Variants in UGT1A3 observed in about 807,000 individuals in gnomAD.
UGT1A3 encodes UDP glucuronosyltransferase family 1 member A3.
A neutral mutation model predicts 41.0 loss-of-function variants in UGT1A3; 31 were observed. The ratio of observed to expected loss-of-function variants is 0.76; its 90% CI spans 0.57 to 1.02. The LOEUF is 1.02. UGT1A3 is among the 50% of genes least tolerant of loss of function. The pLI is 0.00. For missense variants in UGT1A3, 737 were observed against 671.0 expected (o/e 1.10, Z -1.09); for synonymous variants, 262 against 257.6 (o/e 1.02, Z -0.17).
At position 233,747,671 on chromosome 2, in the gene UGT1A3, A is replaced by C. The variant is rs1693745926; in HGVS notation, c.867+17678A>C. On this transcript the variant is annotated intron_variant, in intron 1 of 4. Coordinates refer to ENST00000482026, the MANE Select transcript of UGT1A3 (RefSeq NM_019093.4). ...CCTTCGATGTGGTTTTAATAGACCCAATTTACCTCTGTGGGGCAGTGCTGG... is the reference window on the plus strand; with the variant it reads ...CCTTCGATGTGGTTTTAATAGACCCCATTTACCTCTGTGGGGCAGTGCTGG... 13 of 1,604,740 alleles carry C rather than the reference A, an allele frequency of 8.1e-6. No homozygotes were observed. In the South Asian group the frequency reaches 1.4e-4, roughly 18 times the overall value.
At chr2:233,755,920 C>T (rs931187964) in intron 1 of UGT1A3, 4 of 147,692 alleles carry the variant, frequency 2.7e-5, no homozygotes, top group African/African-American at 1.0e-4. Flanking sequence ...AGAAGAGTGG[C>T]ATCGTTTTAC....
intron 1 of UGT1A3, chr2:233,747,208 G>A (rs1315527949): frequency 4.4e-6 from 7 of 1,605,016 alleles, no homozygotes; most frequent in Non-Finnish European, 5.1e-6. Flanking sequence ...CGTGTCTTCT[G>A]CTGAGATGGC....
Position 233,729,100 on chromosome 2 carries a change from A to G in UGT1A3, c.-27A>G, listed in dbSNP as rs2077792052. 6.2e-7 allele frequency: 1 copy of G among 1,612,718 alleles called. No individual in the cohort carries two copies. The highest frequency in any genetic ancestry group is 8.5e-7 in the Non-Finnish European group (1 of 1,179,930). The stretch of plus-strand genomic sequence containing the variant: ...GTAGCAGGCACAGCGTGGGGTGGAC[A>G]GTCAGCTGTCCGTGTCTTCTGCTGA... On this transcript the variant is annotated 5_prime_UTR_variant, in exon 1 of 5. Coordinates refer to ENST00000482026, the MANE Select transcript of UGT1A3 (RefSeq NM_019093.4).
In UGT1A3 at chr2:233,768,225, C is replaced by T; in HGVS notation, c.1093C>T (p.Pro365Ser). 6.2e-7 allele frequency: 1 copy of T among 1,614,112 alleles called. No homozygotes were observed. The highest frequency in any genetic ancestry group is 8.5e-7 in the Non-Finnish European group (1 of 1,180,032). Reference protein sequence around the residue: ...WLPQNDLLGHPMTRAFITHAG... With the variant: ...WLPQNDLLGHSMTRAFITHAG... Reference sequence around the variant, plus strand: ...CTCCCTATTTTGCATCTCAGGTCACCCGATGACCCGTGCCTTTATCACCCA... The same window carrying T: ...CTCCCTATTTTGCATCTCAGGTCACTCGATGACCCGTGCCTTTATCACCCA... Residue 365 changes from proline (P) to serine (S), a missense_variant, in exon 4 of 5, where the codon CCG becomes TCG. Pro to Ser is a moderately conservative substitution (Grantham distance 74). Transcript: ENST00000482026.
intron 1 of UGT1A3, chr2:233,744,028 CT>C: frequency 1.1e-6 from 1 of 877,624 alleles, no homozygotes; most frequent in African/African-American, 1.8e-5. Flanking sequence ...AGAGACGCCC[CT>C]TATGACGCAG....
In UGT1A3 at chr2:233,739,470, C is replaced by T. The variant is rs188701117; in HGVS notation, c.867+9477C>T. On this transcript the variant is annotated intron_variant, in intron 1 of 4. Transcript: ENST00000482026. ...CCACAGGGTTGGAGCTGCCTGAGAC[C>T]GTGGGAGCCCATTTCTGGCATCACC... 1.6e-3 allele frequency among the ~76,000 whole-genome samples: 240 copies of T among 152,268 alleles called. 1 individual carries two copies. The highest frequency in any genetic ancestry group is 4.9e-3 in the African/African-American group (205 of 41,548).
chr2:233,766,145 C>T (rs1400021152), intron 1 of UGT1A3, among the ~76,000 whole-genome samples: 1 of 152,164 alleles, frequency 6.6e-6, no homozygotes, highest in South Asian at 2.1e-4. Flanking sequence ...CGAATCCCAC[C>T]TGGGCTTGGA....
At chr2:233,747,669 C>T in intron 1 of UGT1A3, 1 of 1,603,504 alleles carries the variant, frequency 6.2e-7, no homozygotes, top group South Asian at 1.1e-5. Flanking sequence ...TTTAATAGAC[C>T]CAATTTACCT....
At chr2:233,758,675 G>A (rs1391896558) in intron 1 of UGT1A3, among the ~76,000 whole-genome samples, 10 of 152,156 alleles carry the variant, frequency 6.6e-5, no homozygotes, top group Admixed American at 6.5e-4. Flanking sequence ...CTGTTAATAT[G>A]TCCCATAGGA....
chr2:233,768,228 A>G lies in UGT1A3; in HGVS notation c.1096A>G (p.Met366Val), dbSNP rs367784507. 6.8e-6 allele frequency: 11 copies of G among 1,614,094 alleles called. No individual in the cohort carries two copies. Among genetic ancestry groups the G allele is most frequent in the Non-Finnish European group, 9.3e-6 (11 of 1,180,048 alleles). Residue 366 changes from methionine (M) to valine (V), a missense_variant, in exon 4 of 5, where the codon ATG becomes GTG. Physicochemically the swap from Met to Val is conservative, Grantham distance 21. Coordinates refer to ENST00000482026, the MANE Select transcript of UGT1A3 (RefSeq NM_019093.4). ...CCTATTTTGCATCTCAGGTCACCCG[A>G]TGACCCGTGCCTTTATCACCCATGC... ...LPQNDLLGHP[M>V]TRAFITHAGS...
At chr2:233,770,089 T>C (rs2126050834) in intron 4 of UGT1A3, 1 of 153,022 alleles carries the variant, frequency 6.5e-6, no homozygotes, top group South Asian at 2.1e-4. Context: ...TTCAGTGGTA[T>C]AGATAACTAC....
Position 233,768,224 on chromosome 2 carries a change from C to T in UGT1A3, c.1092C>T (p.His364=), listed in dbSNP as rs758090189. The change falls in exon 4 of 5, where the codon CAC becomes CAT. Residue 364 remains histidine (H), a synonymous_variant. Coordinates refer to ENST00000482026, the MANE Select transcript of UGT1A3 (RefSeq NM_019093.4). ...CCTCCCTATTTTGCATCTCAGGTCA[C>T]CCGATGACCCGTGCCTTTATCACCC... ...KWLPQNDLLG[H]PMTRAFITHA... is the part of the protein sequence containing the mutation. 13 of 1,614,174 alleles carry T rather than the reference C, an allele frequency of 8.1e-6. No individual in the cohort carries two copies. The highest frequency in any genetic ancestry group is 1.3e-5 in the African/African-American group (1 of 75,028).
At chr2:233,760,728 C>T (rs1697540030) in intron 1 of UGT1A3, 1 of 1,614,064 alleles carries the variant, frequency 6.2e-7, no homozygotes, top group African/African-American at 1.3e-5. Context: ...GCTTTGATGT[C>T]ATGCTGACGG....
rs545178357 is a variant in UGT1A3 at position 233,762,901 on chromosome 2, A to C, written c.868-4133A>C. ...TCTTATAAATTCCATGCCAAATATC[A>C]GGGCTATTGAATTTATTAGAATCTC... On this transcript the variant is annotated intron_variant, in intron 1 of 4. Coordinates refer to ENST00000482026, the MANE Select transcript of UGT1A3 (RefSeq NM_019093.4). Among the ~76,000 whole-genome samples the C allele has an allele frequency of 3.3e-5, 5 of 152,312 alleles. No homozygotes were observed. In the South Asian group the frequency reaches 1.0e-3, roughly 32 times the overall value.
At position 233,769,722 on chromosome 2, in the gene UGT1A3, G is replaced by A. The variant is rs906143757; in HGVS notation, c.1307+1283G>A. ...AGATCAATGTTGGCTAGGCACCATG[G>A]CACACGCCTGTAGTCCCAGCCACTC... On this transcript the variant is annotated intron_variant, in intron 4 of 4. Coordinates refer to ENST00000482026, the MANE Select transcript of UGT1A3 (RefSeq NM_019093.4). The surrounding 1 kb of genome is among the most constrained non-coding windows in gnomAD (Gnocchi z 4.4). 8 of 1,484,822 alleles carry A rather than the reference G, an allele frequency of 5.4e-6. No individual in the cohort carries two copies. Among genetic ancestry groups the A allele is most frequent in the East Asian group, 5.0e-5 (2 of 40,322 alleles). 92.0% of individuals were successfully genotyped at this position (1,484,822 alleles called of 1,614,324 possible).
chr2:233,740,944 C>A (rs1030329888), intron 1 of UGT1A3: 6 of 151,278 alleles, frequency 4.0e-5, no homozygotes, highest in African/African-American at 1.5e-4. Flanking sequence ...TTTTAATTAG[C>A]TAGGTGTGGT....
At chr2:233,755,091 T>C (rs747522597) in intron 1 of UGT1A3, 2 of 1,335,830 alleles carry the variant, frequency 1.5e-6, no homozygotes, top group East Asian at 4.6e-5. Flanking sequence ...ATCGCGTTTC[T>C]ACGCGTCCGA....
intron 1 of UGT1A3, among the ~76,000 whole-genome samples, chr2:233,745,359 T>C (rs1693087211): frequency 6.6e-6 from 1 of 151,886 alleles, no homozygotes; most frequent in Admixed American, 6.5e-5. Flanking sequence ...GGGAATTTTT[T>C]TGAGATCTGA....
chr2:233,737,994 C>T (rs1435641802), intron 1 of UGT1A3, among the ~76,000 whole-genome samples: 1 of 151,970 alleles, frequency 6.6e-6, no homozygotes. Flanking sequence ...CTCTGTGTCC[C>T]CCACCAAATC....
Sources: gnomAD v4.1 joint callset for allele counts (sites outside exome capture counted in the v4.1 genomes callset) on GRCh38, gnomAD v4.1.1 for gene constraint, Gnocchi (gnomAD v3.1) non-coding constraint, MANE v1.5 for transcripts, NCBI Gene and HGNC (gene_info 2026-07-23, HGNC 2026-07-21) for gene names.